Variants in VWA2 observed in about 807,000 individuals in gnomAD.
VWA2 encodes the protein von Willebrand factor A domain containing 2, also known as von Willebrand factor A domain-containing protein 2.
A neutral mutation model predicts 70.4 loss-of-function variants in VWA2; 73 were observed. That is an observed-to-expected ratio of 1.04 (90% confidence interval 0.86 to 1.26). The LOEUF is 1.26. VWA2 is among the 50% of genes most tolerant of loss of function. The pLI, the probability that VWA2 is intolerant of heterozygous loss-of-function variation, is 0.00. For synonymous variants in VWA2, 407 were observed against 423.3 expected (o/e 0.96, Z 0.47); for missense variants, 1,011 against 998.5 (o/e 1.01, Z -0.17).
chr10:114,240,532 C>T (rs945361341), intron 1 of VWA2, among the ~76,000 whole-genome samples: 2 of 152,220 alleles, frequency 1.3e-5, no homozygotes, highest in Non-Finnish European at 2.9e-5. Context: ...TTTCAAATTA[C>T]AAGCTGCTTT....
At chr10:114,240,678 G>A (rs1461563862) in intron 1 of VWA2, among the ~76,000 whole-genome samples, 1 of 152,188 alleles carries the variant, frequency 6.6e-6, no homozygotes, top group Non-Finnish European at 1.5e-5. Context: ...GGTCAGAAAG[G>A]TACCACTAGA....
intron 1 of VWA2, 107 bp from the exon 2 acceptor site, chr10:114,248,597 A>G (rs766379568): frequency 6.5e-6 from 6 of 926,434 alleles, no homozygotes; most frequent in Non-Finnish European, 8.9e-6. Context: ...CCAGGGTCAT[A>G]TCTGTGACCT....
rs1374604335 is a variant in VWA2 at position 114,289,458 on chromosome 10, C to T, written c.2091C>T (p.His697=). 1 of 1,614,210 alleles carries T rather than the reference C, an allele frequency of 6.2e-7. No individual in the cohort carries two copies. Among genetic ancestry groups the T allele is most frequent in the East Asian group, 2.2e-5 (1 of 44,870 alleles). ...HVAAYADLRY[H]QDVLIEWLCG... ...CAGCTTACGCCGACCTGCGGTACCA[C>T]CAGGACGTGCTCATTGAGTGGCTGT... The change falls in exon 12 of 14, where the codon CAC becomes CAT. Residue 697 remains histidine, a synonymous_variant. Transcript: ENST00000392982.
In VWA2 at chr10:114,286,172, G is replaced by C. The variant is rs759923665; in HGVS notation, c.1231G>C (p.Asp411His). 1 of 1,614,054 alleles carries C rather than the reference G, an allele frequency of 6.2e-7. No individual in the cohort carries two copies. Among genetic ancestry groups the C allele is most frequent in the South Asian group, 1.1e-5 (1 of 91,084 alleles). ...TGTGCCTGACCTGGTCTGGAGCCTCGATGGCATTCCCTTCCGTGGTGGCCC... is the reference window on the plus strand; with the variant it reads ...TGTGCCTGACCTGGTCTGGAGCCTCCATGGCATTCCCTTCCGTGGTGGCCC... ...QDVPDLVWSL[D>H]GIPFRGGPTL... Residue 411 changes from aspartate (D) to histidine (H), a missense_variant, in exon 11 of 14, where the codon GAT becomes CAT. Physicochemically the swap from Asp to His is moderately conservative, Grantham distance 81. Coordinates refer to ENST00000392982, the MANE Select transcript of VWA2 (RefSeq NM_001272046.2).
At chr10:114,255,288 C>A (rs1207258750) in intron 4 of VWA2, among the ~76,000 whole-genome samples, 1 of 151,306 alleles carries the variant, frequency 6.6e-6, no homozygotes, top group East Asian at 1.9e-4. Flanking sequence ...CCTTCTCAGG[C>A]AGGTTTTCCT....
Position 114,246,497 on chromosome 10 carries a change from C to T in VWA2, c.-10-2207C>T, listed in dbSNP as rs1252719359. On this transcript the variant is annotated intron_variant, in intron 1 of 13. Coordinates refer to ENST00000392982, the MANE Select transcript of VWA2 (RefSeq NM_001272046.2). ...GCCTGGGCAACAAGAGTGAAAGAAA[C>T]TCCATCTCAAAAAAAAAAAAAAAAA... The T allele has an allele frequency of 1.1e-5, 7 of 647,502 alleles. No homozygotes were observed. The East Asian group carries it at 1.4e-4, about 13-fold the overall frequency. The allele number at this position is 647,502 out of a possible 1,614,324, so 40.1% of individuals were successfully genotyped here.
chr10:114,286,558 C>T lies in VWA2; in HGVS notation c.1570+47C>T, dbSNP rs748043293. The T allele has an allele frequency of 6.8e-6, 10 of 1,480,280 alleles. No individual in the cohort carries two copies. The African/African-American group carries it at 8.4e-5, about 12-fold the overall frequency. 91.7% of individuals were successfully genotyped at this position (1,480,280 alleles called of 1,614,324 possible). A position where few individuals can be genotyped will look rare whatever the true frequency, so the allele number is the denominator to read the frequency against. On this transcript the variant is annotated intron_variant, in intron 11 of 13. Coordinates refer to ENST00000392982, the MANE Select transcript of VWA2 (RefSeq NM_001272046.2). ...CAGGACCGCTGGTCAGTGGGCGGGT[C>T]CTTCCTCCTTTTGGCCACCACCTAA... is the stretch of plus-strand genomic sequence containing the variant.
chr10:114,287,243 C>T (rs1272097003), intron 11 of VWA2, among the ~76,000 whole-genome samples: 2 of 152,104 alleles, frequency 1.3e-5, no homozygotes, highest in Admixed American at 6.6e-5. Context: ...TGCAGTGGCA[C>T]GATCATAGCT....
At chr10:114,277,795 C>T (rs948851785) in intron 6 of VWA2, 119 bp from the exon 7 acceptor site, 1 of 1,315,130 alleles carries the variant, frequency 7.6e-7, no homozygotes. Context: ...AGCTATGGGT[C>T]TGACAAAACC....
rs905999175 is a variant in VWA2 at position 114,274,016 on chromosome 10, G to A, written c.566+1082G>A. Among the ~76,000 whole-genome samples the A allele has an allele frequency of 1.5e-4, 23 of 152,222 alleles. 1 individual carries two copies. The highest frequency in any genetic ancestry group is 5.5e-4 in the African/African-American group (23 of 41,464). Reference sequence around the variant, plus strand: ...TTTTGAGCAGAAACTTGAGTGAAGTGAGGAGTAAGCCTTCCAAATATCAGG... The same window carrying A: ...TTTTGAGCAGAAACTTGAGTGAAGTAAGGAGTAAGCCTTCCAAATATCAGG... On this transcript the variant is annotated intron_variant, in intron 6 of 13. Coordinates refer to ENST00000392982, the MANE Select transcript of VWA2 (RefSeq NM_001272046.2).
At chr10:114,259,990 G>A (rs554786124) in intron 4 of VWA2, among the ~76,000 whole-genome samples, 4 of 152,308 alleles carry the variant, frequency 2.6e-5, no homozygotes, top group East Asian at 3.9e-4. Context: ...CATCTCCCAC[G>A]TCCCACGCCT....
rs148651339 is a variant in VWA2, at chr10:114,290,572, T to G, written c.2248+207T>G. On this transcript the variant is annotated intron_variant, in intron 13 of 13. Transcript: ENST00000392982. ...AGGAACATAGCAGTAAACAAATGAA[T>G]AAAACCTCTGCCCTCATGGAGCTTC... Among the ~76,000 whole-genome samples, 566 of 152,328 alleles carry G rather than the reference T, an allele frequency of 3.7e-3. 3 individuals are homozygous for G. The highest frequency in any genetic ancestry group is 0.012 in the African/African-American group (518 of 41,572).
intron 1 of VWA2, among the ~76,000 whole-genome samples, chr10:114,240,832 G>C (rs1156670892): frequency 6.6e-6 from 1 of 152,320 alleles, no homozygotes. Context: ...CCATCTCCTA[G>C]TAGTGTAAGA....
chr10:114,254,819 G>A (rs375825617), intron 3 of VWA2, 96 bp from the exon 4 acceptor site: 33 of 1,524,104 alleles, frequency 2.2e-5, no homozygotes, highest in Non-Finnish European at 2.9e-5. Context: ...AGGGACAGCA[G>A]CCTGGCCCAC....
At chr10:114,281,852 G>T in intron 8 of VWA2, 2 of 678,190 alleles carry the variant, frequency 2.9e-6, no homozygotes, top group Non-Finnish European at 3.6e-6. Context: ...AAAGTAACAT[G>T]TCTGTGGTCA....
At chr10:114,259,967 A>G (rs1286764570) in intron 4 of VWA2, among the ~76,000 whole-genome samples, 2 of 152,208 alleles carry the variant, frequency 1.3e-5, no homozygotes, top group Non-Finnish European at 2.9e-5. Flanking sequence ...CTGGTGTGGC[A>G]GGGCGTTTCC....
intron 5 of VWA2, among the ~76,000 whole-genome samples, chr10:114,267,598 A>ATTTT (rs1227410084): frequency 1.1e-4 from 15 of 136,754 alleles, no homozygotes; most frequent in East Asian, 4.3e-4. Context: ...CACCTGGCTA[A>ATTTT]TTTTTTTTTT....
At chr10:114,256,883 C>T (rs2037340070) in intron 4 of VWA2, among the ~76,000 whole-genome samples, 1 of 139,348 alleles carries the variant, frequency 7.2e-6, no homozygotes, top group Non-Finnish European at 1.5e-5. Context: ...GCACTCCAGC[C>T]TGGGCGACAG....
At chr10:114,261,669 T>C (rs1463726329) in intron 5 of VWA2, among the ~76,000 whole-genome samples, 1 of 152,194 alleles carries the variant, frequency 6.6e-6, no homozygotes, top group Non-Finnish European at 1.5e-5. Context: ...TTCACCACAC[T>C]TCTCTGAGCC....
Sources: gnomAD v4.1 joint callset for allele counts (sites outside exome capture counted in the v4.1 genomes callset) on GRCh38, gnomAD v4.1.1 for gene constraint, MANE v1.5 for transcripts, NCBI Gene and HGNC (gene_info 2026-07-23, HGNC 2026-07-21) for gene names.